Variants in AREL1 observed in about 807,000 individuals in gnomAD.
AREL1 encodes apoptosis-resistant E3 ubiquitin protein ligase 1.
Under a neutral mutation model 99.0 loss-of-function variants are expected in AREL1, and 62 were observed. The observed-to-expected ratio is 0.63, with a 90% CI of 0.51 to 0.77. The LOEUF (loss-of-function observed/expected upper bound fraction) is 0.77. AREL1 is among the 30% of genes least tolerant of loss of function. The pLI is 0.00. For synonymous variants in AREL1, 380 were observed against 376.5 expected (o/e 1.01, Z -0.11); for missense variants, 879 against 1,027.6 (o/e 0.86, Z 1.98).
At chr14:74,681,346 GA>G (rs1437824795) in intron 5 of AREL1, among the ~76,000 whole-genome samples, 1 of 152,196 alleles carries the variant, frequency 6.6e-6, no homozygotes, top group Non-Finnish European at 1.5e-5. Context: ...TGAATCTCCA[GA>G]AAATTATGCT....
chr14:74,667,310 A>G lies in AREL1; in HGVS notation c.2103+9T>C, dbSNP rs749811926. The stretch of plus-strand genomic sequence containing the variant: ...GTTAAGAATGGGAGTCTGAATTGCA[A>G]TCACTTACCTCAAGCTCATTCTCAT... On this transcript the variant is annotated intron_variant, in intron 17 of 19. Transcript: ENST00000356357. The G allele has an allele frequency of 6.2e-7, 1 of 1,614,132 alleles. No individual in the cohort carries two copies. The highest frequency in any genetic ancestry group is 1.1e-5 in the South Asian group (1 of 91,074).
In AREL1 at chr14:74,667,978, G is replaced by A. The variant is rs1038874044; in HGVS notation, c.1915-384C>T. 1.2e-4 allele frequency among the ~76,000 whole-genome samples: 18 copies of A among 152,194 alleles called. 1 individual carries two copies. The South Asian group carries it at 3.7e-3, about 32-fold the overall frequency. Reference sequence around the variant, plus strand: ...AGAGTAAAATCAGATAAGCAGTAAGGAAGTCTTTTTATGTCTCAGAAATTC... The same window carrying A: ...AGAGTAAAATCAGATAAGCAGTAAGAAAGTCTTTTTATGTCTCAGAAATTC... On this transcript the variant is annotated intron_variant, in intron 15 of 19. Transcript: ENST00000356357.
rs186631279 is a variant in AREL1, at chr14:74,673,097, C to T, written c.1280G>A (p.Arg427His). 74 of 1,614,086 alleles carry T rather than the reference C, an allele frequency of 4.6e-5. No individual in the cohort carries two copies. The highest frequency in any genetic ancestry group is 5.6e-5 in the Non-Finnish European group (66 of 1,180,006). The change falls in exon 10 of 20, where the codon CGC (arginine) becomes CAC (histidine). Residue 427 changes from arginine (R) to histidine (H), a missense_variant. Coordinates refer to ENST00000356357, the MANE Select transcript of AREL1 (RefSeq NM_001039479.2). ...ERNILAATFI[R>H]SLHKNIGGSE... Reference sequence around the variant, plus strand: ...CTCACCTATGTTCTTATGCAGGGAGCGGATAAAAGTGGCTGCTAGAATGTT... The same window carrying T: ...CTCACCTATGTTCTTATGCAGGGAGTGGATAAAAGTGGCTGCTAGAATGTT...
chr14:74,708,821 C>A (rs1160669592), intron 1 of AREL1, among the ~76,000 whole-genome samples: 3 of 152,166 alleles, frequency 2.0e-5, no homozygotes, highest in Non-Finnish European at 2.9e-5. Context: ...CATGTATCTA[C>A]CATGACTATT....
chr14:74,708,043 T>C (rs370850441), intron 1 of AREL1, among the ~76,000 whole-genome samples: 11 of 151,984 alleles, frequency 7.2e-5, no homozygotes, highest in African/African-American at 2.7e-4. Flanking sequence ...AAAAGGAAAT[T>C]AGTGGAGAAA....
At chr14:74,685,235 C>T (rs1431110812) in intron 3 of AREL1, among the ~76,000 whole-genome samples, 1 of 152,122 alleles carries the variant, frequency 6.6e-6, no homozygotes, top group Non-Finnish European at 1.5e-5. Flanking sequence ...CAAAAGTCTT[C>T]TCCAATCCCC....
intron 5 of AREL1, among the ~76,000 whole-genome samples, chr14:74,678,880 G>T (rs1342518699): frequency 6.6e-6 from 1 of 152,054 alleles, no homozygotes; most frequent in Non-Finnish European, 1.5e-5. Context: ...GAAAAAAATG[G>T]ATGCACTGGA....
Position 74,663,303 on chromosome 14 carries a change from T to C in AREL1, c.*417A>G, listed in dbSNP as rs1322947020. 4 of 249,408 alleles carry C rather than the reference T, an allele frequency of 1.6e-5. No homozygotes were observed. The highest frequency in any genetic ancestry group is 5.4e-5 in the South Asian group (1 of 18,390). 15.4% of individuals were successfully genotyped at this position (249,408 alleles called of 1,614,324 possible). A position where few individuals can be genotyped will look rare whatever the true frequency, so the allele number is the denominator to read the frequency against. On this transcript the variant is annotated 3_prime_UTR_variant, in exon 20 of 20. Transcript: ENST00000356357. ...GGACTCAAGTACCAGTCTGGTCAAG[T>C]AGTGAGGGCCAAAGAGGGTGTCTCC...
chr14:74,688,386 C>G (rs930535542), intron 2 of AREL1, among the ~76,000 whole-genome samples: 1 of 152,094 alleles, frequency 6.6e-6, no homozygotes, highest in African/African-American at 2.4e-5. Context: ...GAGCCACAGT[C>G]CAGTTATCAT....
chr14:74,702,147 G>A (rs1313382707), intron 1 of AREL1, among the ~76,000 whole-genome samples: 1 of 152,240 alleles, frequency 6.6e-6, no homozygotes, highest in East Asian at 1.9e-4. Flanking sequence ...CTGGAGGACG[G>A]TGGCCCTCTT....
intron 1 of AREL1, among the ~76,000 whole-genome samples, chr14:74,712,589 T>C (rs1037090970): frequency 6.6e-6 from 1 of 152,084 alleles, no homozygotes; most frequent in African/African-American, 2.4e-5. Context: ...AGTAGTAACA[T>C]ATGCAAGCTT....
chr14:74,697,992 G>GA (rs2090008539), intron 1 of AREL1, among the ~76,000 whole-genome samples: 1 of 151,120 alleles, frequency 6.6e-6, no homozygotes, highest in African/African-American at 2.4e-5. Context: ...TGACTGGGGA[G>GA]AAAAAAAAAT....
Position 74,668,622 on chromosome 14 carries a change from G to T in AREL1, c.1914+1027C>A, listed in dbSNP as rs192354062. On this transcript the variant is annotated intron_variant, in intron 15 of 19. Coordinates refer to ENST00000356357, the MANE Select transcript of AREL1 (RefSeq NM_001039479.2). ...TGACTCTAGCTGCCTTACCATGCCAGCTCAGGAAGTTGGGTCTAATCCCAT... is the reference window on the plus strand; with the variant it reads ...TGACTCTAGCTGCCTTACCATGCCATCTCAGGAAGTTGGGTCTAATCCCAT... Among the ~76,000 whole-genome samples the T allele has an allele frequency of 3.8e-3, 575 of 152,236 alleles. 4 individuals carry two copies. The highest frequency in any genetic ancestry group is 4.5e-3 in the Non-Finnish European group (307 of 68,018).
At chr14:74,672,099 A>C (rs938865460) in intron 11 of AREL1, 8 of 396,618 alleles carry the variant, frequency 2.0e-5, no homozygotes, top group Non-Finnish European at 3.6e-5. Flanking sequence ...CATCAGACCA[A>C]AGTGACAACA....
intron 2 of AREL1, among the ~76,000 whole-genome samples, chr14:74,689,889 C>A (rs2089837376): frequency 6.6e-6 from 1 of 151,776 alleles, no homozygotes; most frequent in Admixed American, 6.6e-5. Flanking sequence ...AGCCACCATG[C>A]CCGGCCTAGC....
rs377159591 is a variant in AREL1 at position 74,679,653 on chromosome 14, C to T, written c.482-2901G>A. ...ACCAGCCTGTCTAACAGGGCAAAACCCCATCTCTACTAAAAACACAAAAAA... is the reference window on the plus strand; with the variant it reads ...ACCAGCCTGTCTAACAGGGCAAAACTCCATCTCTACTAAAAACACAAAAAA... On this transcript the variant is annotated intron_variant, in intron 5 of 19. Coordinates refer to ENST00000356357, the MANE Select transcript of AREL1 (RefSeq NM_001039479.2). Among the ~76,000 whole-genome samples, 5 of 151,834 alleles carry T rather than the reference C, an allele frequency of 3.3e-5. 1 individual carries two copies. The highest frequency in any genetic ancestry group is 1.2e-4 in the African/African-American group (5 of 41,380).
intron 8 of AREL1, among the ~76,000 whole-genome samples, chr14:74,674,912 G>T (rs2089437100): frequency 6.6e-6 from 1 of 152,136 alleles, no homozygotes; most frequent in African/African-American, 2.4e-5. Context: ...GAATATGTTG[G>T]TGGTATAGGG....
intron 2 of AREL1, among the ~76,000 whole-genome samples, chr14:74,688,097 C>T (rs2089788899): frequency 7.2e-6 from 1 of 138,810 alleles, no homozygotes; most frequent in Non-Finnish European, 1.5e-5. Flanking sequence ...GTGATCTCGG[C>T]TCACTGAAAG....
chr14:74,679,864 A>C (rs1487630312), intron 5 of AREL1, among the ~76,000 whole-genome samples: 2 of 151,520 alleles, frequency 1.3e-5, no homozygotes, highest in Non-Finnish European at 2.9e-5. Context: ...ATAAATAAAT[A>C]ATAATAATCC....
Sources: gnomAD v4.1 joint callset for allele counts (sites outside exome capture counted in the v4.1 genomes callset) on GRCh38, gnomAD v4.1.1 for gene constraint, MANE v1.5 for transcripts, NCBI Gene and HGNC (gene_info 2026-07-23, HGNC 2026-07-21) for gene names.